KCNH5: variants seen among roughly 807,000 people sequenced by gnomAD.
The protein encoded by KCNH5 is potassium voltage-gated channel subfamily H member 5.
KCNH5 carries 46 observed loss-of-function variants against 96.1 expected under a neutral mutation model. That is an observed-to-expected ratio of 0.48 (90% CI 0.38 to 0.61). The LOEUF (loss-of-function observed/expected upper bound fraction) is 0.61, where lower values mean the gene tolerates loss of function less well. Among genes scored for constraint, KCNH5 ranks in the 20% least tolerant of loss-of-function variants. KCNH5 has a pLI of 0.00. For missense variants in KCNH5, 907 were observed against 1,225.8 expected, an observed-to-expected ratio of 0.74 and a Z score of 3.88; for synonymous variants, 439 against 449.8, an observed-to-expected ratio of 0.98 and a Z score of 0.30.
chr14:62,961,605 G>C (rs1206917966), intron 6 of KCNH5, among the ~76,000 whole-genome samples: 3 of 152,210 alleles, frequency 2.0e-5, no homozygotes, highest in Non-Finnish European at 2.9e-5. Flanking sequence ...CAAAGCAAAA[G>C]AGAAGAAAGA....
chr14:62,950,321 A>C lies in KCNH5; in HGVS notation c.1181T>G (p.Leu394Trp), dbSNP rs1889976137. 2 of 1,613,950 alleles carry C rather than the reference A, an allele frequency of 1.2e-6. No homozygotes were observed. Among genetic ancestry groups the C allele is most frequent in the Non-Finnish European group, 1.7e-6 (2 of 1,179,980 alleles). ...GTAGCGATATGGAGTCCCAATGCTCAAAGCCAGCTGGTAGAGCCAACTGTC... is the reference window on the plus strand; with the variant it reads ...GTAGCGATATGGAGTCCCAATGCTCCAAGCCAGCTGGTAGAGCCAACTGTC... ...QIDSWLYQLA[L>W]SIGTPYRYNT... The change falls in exon 7 of 11, where the codon TTG becomes TGG. Residue 394 changes from leucine to tryptophan, a missense_variant. Physicochemically the swap from Leu to Trp is moderately conservative, Grantham distance 61. Coordinates refer to ENST00000322893, the MANE Select transcript of KCNH5 (RefSeq NM_139318.5).
intron 10 of KCNH5, among the ~76,000 whole-genome samples, chr14:62,774,571 T>TA (rs1170636560): frequency 1.3e-5 from 2 of 152,244 alleles, no homozygotes; most frequent in African/African-American, 4.8e-5. Flanking sequence ...TCACCTGTGT[T>TA]ACCTTTTTAT....
At chr14:62,958,363 C>A (rs1356168641) in intron 6 of KCNH5, among the ~76,000 whole-genome samples, 2 of 152,162 alleles carry the variant, frequency 1.3e-5, no homozygotes, top group Non-Finnish European at 2.9e-5. Flanking sequence ...CTTCCAATAG[C>A]CTGGCCTTGG....
At chr14:62,972,305 C>G (rs1220440448) in intron 6 of KCNH5, among the ~76,000 whole-genome samples, 1 of 152,176 alleles carries the variant, frequency 6.6e-6, no homozygotes, top group Non-Finnish European at 1.5e-5. Flanking sequence ...ACAGATACCA[C>G]TACACACCTG....
chr14:62,759,640 T>C (rs1280862302), intron 10 of KCNH5, among the ~76,000 whole-genome samples: 1 of 150,104 alleles, frequency 6.7e-6, no homozygotes, highest in Non-Finnish European at 1.5e-5. Flanking sequence ...AATTTTTGAA[T>C]TTTTACAGTC....
chr14:62,854,729 G>A (rs1358524707), intron 7 of KCNH5, among the ~76,000 whole-genome samples: 2 of 151,776 alleles, frequency 1.3e-5, no homozygotes, highest in African/African-American at 4.8e-5. Flanking sequence ...ACTGCTAATT[G>A]TGCAAGCTAA....
intron 7 of KCNH5, among the ~76,000 whole-genome samples, chr14:62,911,913 C>T (rs937220911): frequency 1.3e-5 from 2 of 151,300 alleles, no homozygotes; most frequent in Non-Finnish European, 2.9e-5. Context: ...TGGCAGGCAC[C>T]TGTAATTGCA....
intron 6 of KCNH5, among the ~76,000 whole-genome samples, chr14:62,954,618 A>G (rs1890066822): frequency 6.6e-6 from 1 of 152,236 alleles, no homozygotes; most frequent in African/African-American, 2.4e-5. Flanking sequence ...TTGCATTAAT[A>G]GAGTATGTCA....
intron 7 of KCNH5, among the ~76,000 whole-genome samples, chr14:62,904,164 T>G (rs1344970188): frequency 6.6e-6 from 1 of 152,188 alleles, no homozygotes; most frequent in Non-Finnish European, 1.5e-5. Context: ...CAAAAAGTAA[T>G]TGTTTCCACA....
chr14:62,835,988 T>C (rs1056913947), intron 8 of KCNH5, among the ~76,000 whole-genome samples: 2 of 152,198 alleles, frequency 1.3e-5, no homozygotes, highest in East Asian at 1.9e-4. Context: ...CTGCCGAATT[T>C]AGATTACAGA....
intron 10 of KCNH5, among the ~76,000 whole-genome samples, chr14:62,738,538 T>A (rs1885206694): frequency 6.6e-6 from 1 of 152,138 alleles, no homozygotes; most frequent in South Asian, 2.1e-4. Context: ...TGTCATACAA[T>A]GATTTCTTTA....
At chr14:62,835,728 C>A (rs1887451970) in intron 8 of KCNH5, among the ~76,000 whole-genome samples, 1 of 151,938 alleles carries the variant, frequency 6.6e-6, no homozygotes, top group Non-Finnish European at 1.5e-5. Context: ...TCTGCCAGCT[C>A]TTCTGATCTC....
chr14:62,795,981 T>C (rs139177331), intron 9 of KCNH5, among the ~76,000 whole-genome samples: 1,854 of 152,234 alleles, frequency 0.012, 43 homozygotes, highest in African/African-American at 0.043. Context: ...GAGGGAACTT[T>C]GTTAAACTCA....
At chr14:62,921,120 G>A (rs997336462) in intron 7 of KCNH5, among the ~76,000 whole-genome samples, 27 of 152,010 alleles carry the variant, frequency 1.8e-4, no homozygotes, top group African/African-American at 4.6e-4. Context: ...GCTGCAAAAC[G>A]TGTTTCATCA....
intron 10 of KCNH5, among the ~76,000 whole-genome samples, chr14:62,768,840 T>C (rs1325477231): frequency 2.0e-5 from 3 of 152,210 alleles, no homozygotes; most frequent in African/African-American, 7.2e-5. Flanking sequence ...AAACTGTCCT[T>C]GAATAACTGC....
At chr14:62,911,360 G>A (rs138019591) in intron 7 of KCNH5, among the ~76,000 whole-genome samples, 1,614 of 148,746 alleles carry the variant, frequency 0.011, 44 homozygotes, top group African/African-American at 0.038. Flanking sequence ...CTCACTGCAA[G>A]CTCCACCTCC....
intron 7 of KCNH5, among the ~76,000 whole-genome samples, chr14:62,873,019 G>A (rs902189782): frequency 2.6e-5 from 4 of 151,556 alleles, no homozygotes; most frequent in Non-Finnish European, 4.4e-5. Flanking sequence ...GTGTGGTGGC[G>A]GGCGCCTGTA....
chr14:62,719,454 C>T (rs1320078034), intron 10 of KCNH5, among the ~76,000 whole-genome samples: 1 of 152,148 alleles, frequency 6.6e-6, no homozygotes, highest in East Asian at 1.9e-4. Context: ...AAACTTCAGC[C>T]GAATTAAATT....
intron 7 of KCNH5, among the ~76,000 whole-genome samples, chr14:62,920,298 C>G (rs537404624): frequency 6.6e-6 from 1 of 152,022 alleles, no homozygotes; most frequent in Non-Finnish European, 1.5e-5. Context: ...TAGCAGCCCC[C>G]AGAGAAGAGT....
Sources: allele counts gnomAD v4.1 joint callset (sites outside exome capture counted in the v4.1 genomes callset), GRCh38; gene constraint gnomAD v4.1.1; transcripts MANE v1.5; gene names NCBI Gene and HGNC (gene_info 2026-07-23, HGNC 2026-07-21).